The following BNC2 variants were observed in gnomAD, a reference collection of about 807,000 sequenced individuals.
The protein encoded by BNC2 is basonuclin zinc finger protein 2.
In BNC2, 20 loss-of-function variants were observed where a neutral mutation model predicts 76.3. That is an observed-to-expected ratio of 0.26 (90% CI 0.18 to 0.38). The LOEUF (loss-of-function observed/expected upper bound fraction) is 0.38, where lower values mean the gene tolerates loss of function less well. Ranked by LOEUF, BNC2 falls within the 10% of genes least tolerant of loss-of-function variation. BNC2 has a pLI of 1.00. For synonymous variants in BNC2, 582 were observed against 514.8 expected, an observed-to-expected ratio of 1.13 and a Z score of -1.77; for missense variants, 1,382 against 1,399.8, an observed-to-expected ratio of 0.99 and a Z score of 0.20.
At position 16,412,720 on chromosome 9, in the gene BNC2, GGAGAGA is replaced by G. The variant is rs58174243; in HGVS notation, c.*6263_*6268del. ...AATAAGAGGGAAGGAGAGAGAGAGG[GGAGAGA>G]GAGAGAGAGAGAGAGAGAGAGAGAG... On this transcript the variant is annotated 3_prime_UTR_variant, in exon 7 of 7. Transcript: ENST00000380672. 0.074 allele frequency: 8,842 copies of G among 119,722 alleles called. 395 individuals carry two copies. The highest frequency in any genetic ancestry group is 0.1 in the Non-Finnish European group (5,558 of 54,518). The allele number at this position is 119,722 out of a possible 1,614,324, so 7.4% of individuals were successfully genotyped here. A position where few individuals can be genotyped will look rare whatever the true frequency, so the allele number is the denominator to read the frequency against.
intron 5 of BNC2, among the ~76,000 whole-genome samples, chr9:16,506,578 T>C (rs1331062299): frequency 1.5e-5 from 2 of 135,952 alleles, no homozygotes; most frequent in East Asian, 4.6e-4. Context: ...AGGCTTGGAA[T>C]GCAATGGTGC....
At chr9:16,730,394 A>G (rs1283825285) in intron 2 of BNC2, among the ~76,000 whole-genome samples, 1 of 152,196 alleles carries the variant, frequency 6.6e-6, no homozygotes, top group Non-Finnish European at 1.5e-5. Flanking sequence ...GCATTACAAA[A>G]CAAAGGGCTA....
intron 3 of BNC2, among the ~76,000 whole-genome samples, chr9:16,711,185 C>T (rs969796262): frequency 6.6e-6 from 1 of 152,102 alleles, no homozygotes; most frequent in Non-Finnish European, 1.5e-5. Flanking sequence ...AGCAAAGAAT[C>T]CTGTAAAGGA....
At chr9:16,543,585 G>C (rs934881045) in intron 5 of BNC2, among the ~76,000 whole-genome samples, 4 of 152,288 alleles carry the variant, frequency 2.6e-5, no homozygotes, top group African/African-American at 7.2e-5. Context: ...TTCCATCCTG[G>C]AATCTGGTAA....
rs542531041 is a variant in BNC2, at chr9:16,674,773, T to C, written c.330+53024A>G. 5.3e-5 allele frequency among the ~76,000 whole-genome samples: 8 copies of C among 152,300 alleles called. No homozygotes were observed. The South Asian group carries it at 6.2e-4, about 12-fold the overall frequency. On this transcript the variant is annotated intron_variant, in intron 3 of 6. Coordinates refer to ENST00000380672, the MANE Select transcript of BNC2 (RefSeq NM_017637.6). ...GCACTTAAAGATGGTTTATATAACA[T>C]TGATTTCAAGGGGACTTGGTCTGCG...
At chr9:16,602,850 T>C (rs1027379323) in intron 3 of BNC2, among the ~76,000 whole-genome samples, 1 of 152,234 alleles carries the variant, frequency 6.6e-6, no homozygotes, top group Non-Finnish European at 1.5e-5. Flanking sequence ...CATGGATTTT[T>C]ATCATTTGAT....
intron 3 of BNC2, among the ~76,000 whole-genome samples, chr9:16,596,188 C>T (rs961955776): frequency 1.3e-5 from 2 of 151,982 alleles, no homozygotes; most frequent in African/African-American, 4.8e-5. Context: ...TTATCAGCTA[C>T]AAATTCATGT....
chr9:16,803,455 G>A (rs1325352886), intron 1 of BNC2, among the ~76,000 whole-genome samples: 1 of 152,180 alleles, frequency 6.6e-6, no homozygotes, highest in Non-Finnish European at 1.5e-5. Context: ...CCTTCAAGGA[G>A]GGAAGTGACG....
intron 5 of BNC2, among the ~76,000 whole-genome samples, chr9:16,536,943 G>A (rs1178566329): frequency 6.6e-6 from 1 of 152,006 alleles, no homozygotes; most frequent in African/African-American, 2.4e-5. Flanking sequence ...CTTCCATTTA[G>A]TATATTACTT....
intron 5 of BNC2, among the ~76,000 whole-genome samples, chr9:16,518,704 G>T (rs1356725817): frequency 6.6e-6 from 1 of 152,064 alleles, no homozygotes; most frequent in Non-Finnish European, 1.5e-5. Context: ...GGGTTCACGT[G>T]ATTCTCCTGC....
At chr9:16,722,302 T>G (rs1013428657) in intron 3 of BNC2, among the ~76,000 whole-genome samples, 1 of 152,170 alleles carries the variant, frequency 6.6e-6, no homozygotes, top group Admixed American at 6.5e-5. Flanking sequence ...AGCATCTAAT[T>G]AGTCAGGGAG....
At chr9:16,527,077 G>C (rs1173159995) in intron 5 of BNC2, among the ~76,000 whole-genome samples, 1 of 152,184 alleles carries the variant, frequency 6.6e-6, no homozygotes, top group Admixed American at 6.5e-5. Flanking sequence ...GAGAGGAAGA[G>C]AGGAAGCAAG....
At chr9:16,748,873 C>T (rs1285693825) in intron 1 of BNC2, among the ~76,000 whole-genome samples, 2 of 137,160 alleles carry the variant, frequency 1.5e-5, no homozygotes, top group Non-Finnish European at 3.1e-5. Context: ...AAGCAATGGA[C>T]CATTTGTTTT....
At chr9:16,420,970 C>G (rs1275735938) in intron 6 of BNC2, among the ~76,000 whole-genome samples, 2 of 152,174 alleles carry the variant, frequency 1.3e-5, no homozygotes, top group African/African-American at 4.8e-5. Context: ...GGTGGAAGCT[C>G]TACAGCTTGG....
chr9:16,813,423 G>A (rs925091213), intron 1 of BNC2, among the ~76,000 whole-genome samples: 4 of 151,726 alleles, frequency 2.6e-5, no homozygotes, highest in Admixed American at 1.3e-4. Flanking sequence ...CCGCCACTAC[G>A]CCCGGCTAAT....
At chr9:16,507,591 G>A (rs1822658857) in intron 5 of BNC2, among the ~76,000 whole-genome samples, 4 of 152,106 alleles carry the variant, frequency 2.6e-5, no homozygotes, top group East Asian at 3.9e-4. Flanking sequence ...ACCATGCCTG[G>A]CTAATTTTTG....
At chr9:16,542,303 C>A (rs1276267768) in intron 5 of BNC2, among the ~76,000 whole-genome samples, 1 of 151,908 alleles carries the variant, frequency 6.6e-6, no homozygotes, top group Non-Finnish European at 1.5e-5. Context: ...TGGGGGGCCT[C>A]ATGTATTATG....
chr9:16,563,809 G>T lies in BNC2; in HGVS notation c.434-11044C>A, dbSNP rs145425620. Among the ~76,000 whole-genome samples, 18 of 152,148 alleles carry T rather than the reference G, an allele frequency of 1.2e-4. No individual in the cohort carries two copies. In the East Asian group the frequency reaches 3.5e-3, roughly 29 times the overall value. On this transcript the variant is annotated intron_variant, in intron 4 of 6. Transcript: ENST00000380672. The stretch of plus-strand genomic sequence containing the variant: ...ATGGATACATGAACTAATCTGAGAA[G>T]AAAAAAATTTATAGTCCCAACTATT...
chr9:16,664,199 G>C (rs938706680), intron 3 of BNC2, among the ~76,000 whole-genome samples: 4 of 152,118 alleles, frequency 2.6e-5, no homozygotes, highest in African/African-American at 9.7e-5. Flanking sequence ...AATTTGATAG[G>C]GAATGCTCCA....
Sources: allele counts gnomAD v4.1 joint callset (sites outside exome capture counted in the v4.1 genomes callset), GRCh38; gene constraint gnomAD v4.1.1; transcripts MANE v1.5; gene names NCBI Gene and HGNC (gene_info 2026-07-23, HGNC 2026-07-21).